Variants in NOL4 observed in about 807,000 individuals in gnomAD.
The protein encoded by NOL4 is nucleolar protein 4.
Under a neutral mutation model 75.9 loss-of-function variants are expected in NOL4, and 17 were observed. The observed-to-expected ratio is 0.22, with a 90% CI of 0.15 to 0.34. The LOEUF (loss-of-function observed/expected upper bound fraction) is 0.34. Ranked by LOEUF, NOL4 falls within the 10% of genes least tolerant of loss-of-function variation. NOL4 has a pLI of 1.00. For missense variants in NOL4, 614 were observed against 793.5 expected, an observed-to-expected ratio of 0.77 and a Z score of 2.72; for synonymous variants, 292 against 289.9, an observed-to-expected ratio of 1.01 and a Z score of -0.07.
chr18:33,996,184 A>G (rs2073270483), intron 6 of NOL4, among the ~76,000 whole-genome samples: 1 of 151,668 alleles, frequency 6.6e-6, no homozygotes, highest in Non-Finnish European at 1.5e-5. Context: ...TAAGAAGGAG[A>G]TAGGGCCATT....
At chr18:33,908,841 T>TTA (rs1238609852) in intron 9 of NOL4, among the ~76,000 whole-genome samples, 4 of 152,254 alleles carry the variant, frequency 2.6e-5, no homozygotes, top group African/African-American at 9.6e-5. Flanking sequence ...TGTGTGGGTG[T>TTA]TATATGGTGT....
At position 34,224,353 on chromosome 18, in the gene NOL4, AT is replaced by A; in HGVS notation, c.-1101del. 1 of 152,558 alleles carries A rather than the reference AT, an allele frequency of 6.6e-6. No individual in the cohort carries two copies. Among genetic ancestry groups the A allele is most frequent in the Non-Finnish European group, 1.5e-5 (1 of 68,316 alleles). 9.5% of individuals were successfully genotyped at this position (152,558 alleles called of 1,614,324 possible). A position where few individuals can be genotyped will look rare whatever the true frequency, so the allele number is the denominator to read the frequency against. On this transcript the variant is annotated 5_prime_UTR_variant, in exon 1 of 11. An upstream open reading frame in the 5' UTR gains an earlier in-frame stop. Coordinates refer to ENST00000261592, the MANE Select transcript of NOL4 (RefSeq NM_003787.5). ...TTCACACGGGAGGTTTCAGTTGTCTATTTTCCCCCTGCCACGTCATGGACAC... is the reference window on the plus strand; with the variant it reads ...TTCACACGGGAGGTTTCAGTTGTCTATTTCCCCCTGCCACGTCATGGACAC...
intron 9 of NOL4, among the ~76,000 whole-genome samples, chr18:33,894,848 G>T (rs566727070): frequency 2.0e-5 from 3 of 152,176 alleles, no homozygotes; most frequent in South Asian, 2.1e-4. Flanking sequence ...GGAATGGAGG[G>T]TTGTTGATCA....
At chr18:34,212,032 T>C (rs893456206) in intron 1 of NOL4, among the ~76,000 whole-genome samples, 2 of 152,120 alleles carry the variant, frequency 1.3e-5, no homozygotes, top group Non-Finnish European at 2.9e-5. Context: ...TTTTCAAAAA[T>C]CCTTTAATGT....
At chr18:33,877,085 G>T (rs1452943306) in intron 10 of NOL4, among the ~76,000 whole-genome samples, 2 of 151,990 alleles carry the variant, frequency 1.3e-5, no homozygotes, top group Admixed American at 6.6e-5. Context: ...ATTGCTCAAA[G>T]AAATTCACAT....
intron 4 of NOL4, among the ~76,000 whole-genome samples, chr18:34,102,585 A>T (rs1292671870): frequency 6.6e-6 from 1 of 151,998 alleles, no homozygotes; most frequent in East Asian, 1.9e-4. Flanking sequence ...TAAAGGATCT[A>T]TTTCTTTTGT....
At chr18:33,854,113 G>A (rs1319593379) in intron 10 of NOL4, among the ~76,000 whole-genome samples, 1 of 152,064 alleles carries the variant, frequency 6.6e-6, no homozygotes, top group East Asian at 1.9e-4. Flanking sequence ...ACTTGAAAAT[G>A]TTTTAACAGA....
chr18:34,149,999 C>T (rs1051469781), intron 1 of NOL4, among the ~76,000 whole-genome samples: 2 of 151,570 alleles, frequency 1.3e-5, no homozygotes, highest in Admixed American at 1.3e-4. Flanking sequence ...GGCAGACTAT[C>T]GTATTCCTCT....
At chr18:34,009,932 C>T (rs769966152) in intron 6 of NOL4, among the ~76,000 whole-genome samples, 25 of 151,934 alleles carry the variant, frequency 1.6e-4, no homozygotes, top group Non-Finnish European at 3.4e-4. Context: ...GTGAGAATTA[C>T]ATAAGTTAGT....
chr18:33,858,573 C>T (rs533467903), intron 10 of NOL4, among the ~76,000 whole-genome samples: 2 of 151,984 alleles, frequency 1.3e-5, no homozygotes, highest in East Asian at 1.9e-4. Flanking sequence ...ATATACATTG[C>T]TAGATTCAAC....
intron 8 of NOL4, among the ~76,000 whole-genome samples, chr18:33,949,621 G>A (rs1016182819): frequency 6.6e-6 from 1 of 152,106 alleles, no homozygotes; most frequent in African/African-American, 2.4e-5. Context: ...TCTACTATGT[G>A]TGAATTCTTG....
chr18:33,998,565 G>A (rs551271218), intron 6 of NOL4, among the ~76,000 whole-genome samples: 2 of 152,200 alleles, frequency 1.3e-5, no homozygotes, highest in East Asian at 3.9e-4. Context: ...GAAAAAGCTT[G>A]CAAAATTATG....
chr18:34,217,133 TTTTCA>T (rs1416424853), intron 1 of NOL4, among the ~76,000 whole-genome samples: 1 of 152,130 alleles, frequency 6.6e-6, no homozygotes, highest in African/African-American at 2.4e-5. Flanking sequence ...ATTTCTTTCC[TTTTCA>T]TTTAACTTTT....
chr18:34,157,957 C>A lies in NOL4; in HGVS notation c.265-27937G>T, dbSNP rs2146141398. On this transcript the variant is annotated intron_variant, in intron 1 of 10. Coordinates refer to ENST00000261592, the MANE Select transcript of NOL4 (RefSeq NM_003787.5). ...ATCTCTTTTAGTGGCTTTGAAAACA[C>A]CATGACACAGAAAGTGTGACAAAAT... 1.3e-5 allele frequency among the ~76,000 whole-genome samples: 2 copies of A among 152,162 alleles called. 1 individual carries two copies. Among genetic ancestry groups the A allele is most frequent in the South Asian group, 4.2e-4 (2 of 4,816 alleles).
chr18:34,001,422 T>C (rs758730091), intron 6 of NOL4, among the ~76,000 whole-genome samples: 2 of 152,176 alleles, frequency 1.3e-5, no homozygotes, highest in Non-Finnish European at 2.9e-5. Flanking sequence ...TTCCCTTTGT[T>C]ACCTTTCAGC....
intron 1 of NOL4, among the ~76,000 whole-genome samples, chr18:34,184,460 G>A (rs575621280): frequency 6.6e-6 from 1 of 152,132 alleles, no homozygotes; most frequent in Non-Finnish European, 1.5e-5. Context: ...CCACTACTTT[G>A]ACATTCTTCC....
At chr18:34,169,977 T>A (rs918031495) in intron 1 of NOL4, among the ~76,000 whole-genome samples, 1 of 152,194 alleles carries the variant, frequency 6.6e-6, no homozygotes, top group Non-Finnish European at 1.5e-5. Flanking sequence ...GCTGTTCTGT[T>A]TCTTCCATTT....
intron 5 of NOL4, among the ~76,000 whole-genome samples, chr18:34,039,010 A>G (rs541637423): frequency 3.3e-5 from 5 of 152,174 alleles, no homozygotes; most frequent in South Asian, 2.1e-4. Flanking sequence ...CAAATATCAC[A>G]TAAGTATGTG....
At chr18:34,121,419 CT>C (rs1160425526) in intron 2 of NOL4, 1 of 152,172 alleles carries the variant, frequency 6.6e-6, no homozygotes, top group Non-Finnish European at 1.5e-5. Context: ...TAAAGTTTAC[CT>C]TTCTTACACA....
Sources: gnomAD v4.1 joint callset for allele counts (sites outside exome capture counted in the v4.1 genomes callset) on GRCh38, gnomAD v4.1.1 for gene constraint, MANE v1.5 for transcripts, NCBI Gene and HGNC (gene_info 2026-07-23, HGNC 2026-07-21) for gene names.